The following DDAH1 variants were observed in gnomAD, a reference collection of about 807,000 sequenced individuals.
DDAH1 encodes the protein N(G),N(G)-dimethylarginine dimethylaminohydrolase 1.
In DDAH1, 19 loss-of-function variants were observed where a neutral mutation model predicts 28.8. That is an observed-to-expected ratio of 0.66 (90% CI 0.46 to 0.97). The LOEUF is 0.97. Among genes scored for constraint, DDAH1 ranks in the 50% least tolerant of loss-of-function variants. The pLI, the probability that DDAH1 is intolerant of heterozygous loss-of-function variation, is 0.00. For missense variants in DDAH1, 326 were observed against 375.9 expected (o/e 0.87, Z 1.10); for synonymous variants, 153 against 154.4 (o/e 0.99, Z 0.07).
In DDAH1 at chr1:85,551,107, C is replaced by G. The variant is rs138118625; in HGVS notation, c.-123+26877G>C. On this transcript the variant is annotated intron_variant, in intron 1 of 6. Transcript: ENST00000426972. ...TATGACCTTAGCTTTTAAAAGGTGA[C>G]CACAGAAGTTGACAATGACCTAAAC... is the stretch of plus-strand genomic sequence containing the variant. 3.6e-3 allele frequency among the ~76,000 whole-genome samples: 543 copies of G among 152,280 alleles called. 5 individuals carry two copies. The highest frequency in any genetic ancestry group is 0.02 in the South Asian group (95 of 4,812).
At chr1:85,422,797 C>T (rs6420965) in intron 1 of DDAH1, among the ~76,000 whole-genome samples, 123,680 of 151,990 alleles carry the variant, frequency 0.81, 50,524 homozygotes, top group Middle Eastern at 0.9. Flanking sequence ...GCCCTCATGA[C>T]GAGATTAGTG....
intron 1 of DDAH1, among the ~76,000 whole-genome samples, chr1:85,425,853 A>G (rs1377504330): frequency 6.6e-6 from 1 of 152,178 alleles, no homozygotes; most frequent in Non-Finnish European, 1.5e-5. Flanking sequence ...CAGTTACTTA[A>G]TTATCCTGGG....
intron 1 of DDAH1, among the ~76,000 whole-genome samples, chr1:85,497,177 C>T (rs966505278): frequency 2.6e-5 from 4 of 152,162 alleles, no homozygotes; most frequent in African/African-American, 9.7e-5. Context: ...GGCCCAATAA[C>T]CTGATGCACA....
intron 1 of DDAH1, among the ~76,000 whole-genome samples, chr1:85,514,863 C>T (rs1414141374): frequency 6.6e-6 from 1 of 151,930 alleles, no homozygotes; most frequent in Admixed American, 6.6e-5. Flanking sequence ...ATGCTCAACA[C>T]CTAGAATCAG....
chr1:85,545,976 C>G (rs898524986), intron 1 of DDAH1, among the ~76,000 whole-genome samples: 1 of 152,060 alleles, frequency 6.6e-6, no homozygotes, highest in African/African-American at 2.4e-5. Flanking sequence ...TTATTTGTAT[C>G]AATGTTCCTG....
Position 85,321,401 on chromosome 1 carries a change from C to T in DDAH1, c.*51G>A, listed in dbSNP as rs1464203814. 47 of 1,148,610 alleles carry T rather than the reference C, an allele frequency of 4.1e-5. 1 individual carries two copies. In the East Asian group the frequency reaches 1.0e-3, roughly 25 times the overall value. 71.2% of individuals were successfully genotyped at this position (1,148,610 alleles called of 1,614,324 possible). On this transcript the variant is annotated 3_prime_UTR_variant, in exon 6 of 6. Coordinates refer to ENST00000284031, the MANE Select transcript of DDAH1 (RefSeq NM_012137.4). ...AAAACAACAGGAGTGGGCACAGAGT[C>T]ATCGGCCTTGCCTGTGCGGTCTTGC... is the stretch of plus-strand genomic sequence containing the variant.
At chr1:85,503,164 A>C (rs1333442064) in intron 1 of DDAH1, among the ~76,000 whole-genome samples, 1 of 152,224 alleles carries the variant, frequency 6.6e-6, no homozygotes, top group African/African-American at 2.4e-5. Context: ...GCTTTAAAAA[A>C]GTTGAAATAT....
At chr1:85,445,035 G>A (rs1557639577) in intron 1 of DDAH1, among the ~76,000 whole-genome samples, 1 of 152,146 alleles carries the variant, frequency 6.6e-6, no homozygotes, top group African/African-American at 2.4e-5. Context: ...GAAAGATGTA[G>A]GCTGGGAGCC....
At chr1:85,332,463 G>A (rs1292377844) in intron 4 of DDAH1, among the ~76,000 whole-genome samples, 1 of 152,208 alleles carries the variant, frequency 6.6e-6, no homozygotes, top group African/African-American at 2.4e-5. Context: ...ACTAGCATGT[G>A]TCCTGAGGTC....
intron 1 of DDAH1, among the ~76,000 whole-genome samples, chr1:85,363,752 ACTT>A (rs765551034): frequency 1.3e-5 from 2 of 152,124 alleles, no homozygotes; most frequent in Admixed American, 6.6e-5. Context: ...GCTACTTTAA[ACTT>A]CTTTGTTAAT....
intron 1 of DDAH1, among the ~76,000 whole-genome samples, chr1:85,438,057 C>T (rs1022729407): frequency 3.9e-5 from 6 of 152,128 alleles, no homozygotes; most frequent in East Asian, 1.9e-4. Flanking sequence ...GGCCATTATC[C>T]TAAGTGAATT....
rs543897386 is a variant in DDAH1 at position 85,436,245 on chromosome 1, T to TC, written c.303+28497dup. Among the ~76,000 whole-genome samples, 207 of 152,180 alleles carry TC rather than the reference T, an allele frequency of 1.4e-3. 1 individual carries two copies. Among genetic ancestry groups the TC allele is most frequent in the African/African-American group, 4.8e-3 (201 of 41,516 alleles). On this transcript the variant is annotated intron_variant, in intron 1 of 5. Transcript: ENST00000284031. ...TGTGATAATTTAAAAAATTTTTTTT[T>TC]CCCTTTATTTTAACTTTATTTTTAA...
intron 1 of DDAH1, among the ~76,000 whole-genome samples, chr1:85,422,709 C>A (rs1011015437): frequency 2.6e-5 from 4 of 152,100 alleles, no homozygotes; most frequent in Non-Finnish European, 5.9e-5. Context: ...AATGTTGATG[C>A]CCTAACCCCA....
intron 1 of DDAH1, among the ~76,000 whole-genome samples, chr1:85,383,747 C>T (rs1021041321): frequency 6.6e-6 from 1 of 152,194 alleles, no homozygotes; most frequent in African/African-American, 2.4e-5. Context: ...GGTCGGCAGC[C>T]ATCGACATTG....
intron 1 of DDAH1, among the ~76,000 whole-genome samples, chr1:85,443,651 A>G (rs1364499503): frequency 6.6e-6 from 1 of 152,186 alleles, no homozygotes; most frequent in Admixed American, 6.5e-5. Flanking sequence ...GATTCTTCCT[A>G]TCCATGAGCA....
chr1:85,487,028 G>A (rs771835349), intron 2 of DDAH1, among the ~76,000 whole-genome samples: 5 of 152,232 alleles, frequency 3.3e-5, no homozygotes, highest in Non-Finnish European at 7.3e-5. Flanking sequence ...GGGGCAGTAT[G>A]ATATAGTGTC....
At chr1:85,357,244 T>C (rs1025560748) in intron 2 of DDAH1, among the ~76,000 whole-genome samples, 2 of 152,124 alleles carry the variant, frequency 1.3e-5, no homozygotes, top group Non-Finnish European at 2.9e-5. Flanking sequence ...CCTTGTTCTG[T>C]GTTCTTAGGG....
intron 1 of DDAH1, among the ~76,000 whole-genome samples, chr1:85,445,008 A>G (rs1220282365): frequency 6.6e-6 from 1 of 152,182 alleles, no homozygotes; most frequent in Non-Finnish European, 1.5e-5. Flanking sequence ...CTAGGGCAGG[A>G]AGCATCGCGC....
At chr1:85,360,005 G>A (rs1223648089) in intron 1 of DDAH1, among the ~76,000 whole-genome samples, 1 of 152,194 alleles carries the variant, frequency 6.6e-6, no homozygotes, top group Non-Finnish European at 1.5e-5. Flanking sequence ...ACAATGAGAT[G>A]ACTCGAATAG....
Sources: gnomAD v4.1 joint callset for allele counts (sites outside exome capture counted in the v4.1 genomes callset) on GRCh38, gnomAD v4.1.1 for gene constraint, MANE v1.5 for transcripts, NCBI Gene and HGNC (gene_info 2026-07-23, HGNC 2026-07-21) for gene names.